TRHDE: variants seen among roughly 807,000 people sequenced by gnomAD.
TRHDE encodes thyrotropin-releasing hormone-degrading ectoenzyme.
TRHDE carries 72 observed loss-of-function variants against 125.7 expected under a neutral mutation model. The observed-to-expected ratio is 0.57, with a 90% CI of 0.47 to 0.70. TRHDE has a LOEUF of 0.70. Among genes scored for constraint, TRHDE ranks in the 30% least tolerant of loss-of-function variants. TRHDE has a pLI of 0.00. For synonymous variants in TRHDE, 509 were observed against 509.1 expected, an observed-to-expected ratio of 1.00 and a Z score of 0.00; for missense variants, 1,110 against 1,327.1, an observed-to-expected ratio of 0.84 and a Z score of 2.54.
chr12:72,318,986 G>A (rs376044217), intron 2 of TRHDE, among the ~76,000 whole-genome samples: 3 of 152,162 alleles, frequency 2.0e-5, no homozygotes, highest in Admixed American at 1.3e-4. Flanking sequence ...GGAAGTAGGC[G>A]TGGAGAGAGG....
chr12:72,112,174 C>T (rs781411907), intron 2 of TRHDE, among the ~76,000 whole-genome samples: 4 of 152,044 alleles, frequency 2.6e-5, no homozygotes, highest in Admixed American at 6.6e-5. Context: ...TTTTAAAATA[C>T]CTTTGAAATA....
intron 2 of TRHDE, among the ~76,000 whole-genome samples, chr12:72,342,631 T>A (rs1320791662): frequency 6.6e-6 from 1 of 152,120 alleles, no homozygotes; most frequent in Non-Finnish European, 1.5e-5. Flanking sequence ...ATTTATATAT[T>A]TTATAAGTAG....
chr12:72,622,249 C>G (rs1466688436), intron 15 of TRHDE, among the ~76,000 whole-genome samples: 3 of 151,858 alleles, frequency 2.0e-5, no homozygotes, highest in Non-Finnish European at 4.4e-5. Flanking sequence ...TGTATCTTAT[C>G]TTAGAATTTT....
intron 5 of TRHDE, among the ~76,000 whole-genome samples, chr12:72,475,914 T>C (rs1482791396): frequency 2.0e-5 from 3 of 151,958 alleles, no homozygotes; most frequent in Admixed American, 6.6e-5. Flanking sequence ...GTTTTTTTTG[T>C]TTTTGTTTTT....
chr12:72,360,130 A>G (rs930732350), intron 2 of TRHDE, among the ~76,000 whole-genome samples: 1 of 151,842 alleles, frequency 6.6e-6, no homozygotes, highest in African/African-American at 2.4e-5. Flanking sequence ...TTTGAAAAAC[A>G]AAAGTCTTAA....
intron 1 of TRHDE, among the ~76,000 whole-genome samples, chr12:72,097,953 G>A (rs1874972590): frequency 6.6e-6 from 1 of 152,162 alleles, no homozygotes; most frequent in South Asian, 2.1e-4. Flanking sequence ...GGGATGCACT[G>A]CATATGTTAT....
chr12:72,159,623 A>G (rs768835922), intron 2 of TRHDE, among the ~76,000 whole-genome samples: 8 of 152,194 alleles, frequency 5.3e-5, no homozygotes, highest in Non-Finnish European at 8.8e-5. Flanking sequence ...TGAAAATGTT[A>G]TATCTTCCAA....
At chr12:72,233,964 A>G (rs941425625) in intron 2 of TRHDE, among the ~76,000 whole-genome samples, 1 of 152,178 alleles carries the variant, frequency 6.6e-6, no homozygotes, top group South Asian at 2.1e-4. Flanking sequence ...TGTATGCTCA[A>G]TTCTGTGTTG....
chr12:72,515,041 T>A (rs1175327378), intron 6 of TRHDE, among the ~76,000 whole-genome samples: 1 of 144,562 alleles, frequency 6.9e-6, no homozygotes, highest in Non-Finnish European at 1.5e-5. Context: ...CTATCATTGT[T>A]GGATATTTGG....
intron 3 of TRHDE, among the ~76,000 whole-genome samples, chr12:72,380,234 A>G (rs1209612965): frequency 1.3e-5 from 2 of 152,182 alleles, no homozygotes; most frequent in Non-Finnish European, 2.9e-5. Flanking sequence ...TTTTTCTATG[A>G]GAAGCAGATA....
Position 72,667,012 on chromosome 12 carries a change from G to A in TRHDE, c.*3817G>A, listed in dbSNP as rs1443923705. The A allele has an allele frequency of 6.6e-6, 1 of 151,950 alleles. No homozygotes were observed. The highest frequency in any genetic ancestry group is 2.4e-5 in the African/African-American group (1 of 41,434). 9.4% of individuals were successfully genotyped at this position (151,950 alleles called of 1,614,324 possible). On this transcript the variant is annotated 3_prime_UTR_variant, in exon 19 of 19. Transcript: ENST00000261180. ...CAGATGGTCAGAATGCAGATAAATT[G>A]TGTGCATCTCAATCAGTAAAAATAA...
chr12:72,253,303 G>A (rs1878726735), intron 2 of TRHDE, among the ~76,000 whole-genome samples: 1 of 151,980 alleles, frequency 6.6e-6, no homozygotes, highest in Admixed American at 6.6e-5. Flanking sequence ...CATGTCATCT[G>A]CACACAGGGA....
At chr12:72,167,870 G>A (rs1876786860) in intron 2 of TRHDE, among the ~76,000 whole-genome samples, 1 of 152,136 alleles carries the variant, frequency 6.6e-6, no homozygotes, top group Non-Finnish European at 1.5e-5. Flanking sequence ...CTTGTTCAGA[G>A]GCCTAAGTAT....
intron 2 of TRHDE, among the ~76,000 whole-genome samples, chr12:72,106,588 T>C (rs974453573): frequency 6.6e-6 from 1 of 152,248 alleles, no homozygotes; most frequent in Admixed American, 6.5e-5. Flanking sequence ...TGAATAACTT[T>C]TGTAATATTG....
intron 2 of TRHDE, among the ~76,000 whole-genome samples, chr12:72,201,495 G>A (rs1165488877): frequency 6.6e-6 from 1 of 152,140 alleles, no homozygotes; most frequent in Non-Finnish European, 1.5e-5. Flanking sequence ...GGTGACTTGA[G>A]GACCCCTCTA....
intron 1 of TRHDE, among the ~76,000 whole-genome samples, chr12:72,284,417 A>G (rs1037155047): frequency 6.6e-6 from 1 of 152,174 alleles, no homozygotes; most frequent in Non-Finnish European, 1.5e-5. Context: ...TTAATTAATA[A>G]GCTGAAAGAT....
intron 7 of TRHDE, among the ~76,000 whole-genome samples, chr12:72,548,769 G>A (rs1869540649): frequency 6.6e-6 from 1 of 151,538 alleles, no homozygotes; most frequent in South Asian, 2.1e-4. Context: ...CCTGTGCTAT[G>A]GCTTTTTCTT....
At chr12:72,587,957 C>T (rs1046081743) in intron 12 of TRHDE, among the ~76,000 whole-genome samples, 1 of 152,054 alleles carries the variant, frequency 6.6e-6, no homozygotes, top group Non-Finnish European at 1.5e-5. Context: ...TATCATCATT[C>T]GATACCTATT....
At chr12:72,468,059 C>T (rs1308025427) in intron 3 of TRHDE, among the ~76,000 whole-genome samples, 1 of 152,170 alleles carries the variant, frequency 6.6e-6, no homozygotes. Flanking sequence ...TGTCTTCCAT[C>T]CTTTTCCCCT....
Sources: gnomAD v4.1 joint callset for allele counts (sites outside exome capture counted in the v4.1 genomes callset) on GRCh38, gnomAD v4.1.1 for gene constraint, MANE v1.5 for transcripts, NCBI Gene and HGNC (gene_info 2026-07-23, HGNC 2026-07-21) for gene names.